The following DYM variants were observed in gnomAD, a reference collection of about 807,000 sequenced individuals.
The protein encoded by DYM is dyggve-Melchior-Clausen syndrome protein.
A neutral mutation model predicts 93.1 loss-of-function variants in DYM; 78 were observed. The ratio of observed to expected loss-of-function variants is 0.84; its 90% CI spans 0.70 to 1.01. DYM has a LOEUF of 1.01. Among genes scored for constraint, DYM ranks in the 50% least tolerant of loss-of-function variants. The pLI is 0.00. For missense variants in DYM, 789 were observed against 845.0 expected, an observed-to-expected ratio of 0.93 and a Z score of 0.82; for synonymous variants, 321 against 319.7, an observed-to-expected ratio of 1.00 and a Z score of -0.04.
chr18:49,329,130 T>C (rs1240884935), intron 8 of DYM, among the ~76,000 whole-genome samples: 2 of 152,130 alleles, frequency 1.3e-5, no homozygotes, highest in Non-Finnish European at 1.5e-5. Flanking sequence ...TCATGTCCTT[T>C]GCAGGGACAT....
intron 2 of DYM, among the ~76,000 whole-genome samples, chr18:49,406,406 C>G (rs372911033): frequency 6.6e-6 from 1 of 151,822 alleles, no homozygotes; most frequent in Non-Finnish European, 1.5e-5. Flanking sequence ...ACTAAAAATA[C>G]AAAAATTAGC....
At chr18:49,055,929 G>A (rs951763860) in intron 17 of DYM, among the ~76,000 whole-genome samples, 52 of 152,298 alleles carry the variant, frequency 3.4e-4, no homozygotes, top group African/African-American at 9.9e-4. Context: ...AGCAACCAGC[G>A]GCTGACTCTA....
intron 9 of DYM, 60 bp downstream of exon 9, chr18:49,286,374 A>G: frequency 6.4e-7 from 1 of 1,569,288 alleles, no homozygotes; most frequent in African/African-American, 1.3e-5. Flanking sequence ...ACAATAAACA[A>G]TATAGAACAA....
chr18:49,110,390 C>T (rs997982181), intron 16 of DYM, among the ~76,000 whole-genome samples: 22 of 152,112 alleles, frequency 1.4e-4, no homozygotes, highest in African/African-American at 5.3e-4. Flanking sequence ...CTTCCATTAA[C>T]TAGTCTATAG....
chr18:49,248,213 A>G (rs2094211313), intron 13 of DYM, among the ~76,000 whole-genome samples: 1 of 152,240 alleles, frequency 6.6e-6, no homozygotes, highest in South Asian at 2.1e-4. Context: ...ATCTATGTTC[A>G]GTGAGATCTT....
intron 2 of DYM, among the ~76,000 whole-genome samples, chr18:49,408,703 C>A (rs2071821084): frequency 6.6e-6 from 1 of 152,106 alleles, no homozygotes; most frequent in Non-Finnish European, 1.5e-5. Context: ...TACAGAGGAA[C>A]CCATAAAGGG....
At chr18:49,449,073 ACTTTCACTCTTACCTC>A (rs2082323755) in intron 1 of DYM, among the ~76,000 whole-genome samples, 1 of 151,884 alleles carries the variant, frequency 6.6e-6, no homozygotes, top group East Asian at 1.9e-4. Context: ...CCCACTCCCC[ACTTTCACTCTTACCTC>A]TACAGGAAAT....
chr18:49,149,114 A>G (rs1468758612), intron 15 of DYM, among the ~76,000 whole-genome samples: 3 of 152,196 alleles, frequency 2.0e-5, no homozygotes, highest in African/African-American at 4.8e-5. Flanking sequence ...TGTAACCTAG[A>G]TCCTTTGCGT....
intron 17 of DYM, among the ~76,000 whole-genome samples, chr18:49,053,059 T>C (rs886937071): frequency 6.6e-6 from 1 of 152,244 alleles, no homozygotes; most frequent in Non-Finnish European, 1.5e-5. Context: ...CTTACAGCAA[T>C]CCTGTTGTTT....
intron 10 of DYM, among the ~76,000 whole-genome samples, chr18:49,273,755 A>C (rs2094773760): frequency 6.6e-6 from 1 of 151,832 alleles, no homozygotes; most frequent in South Asian, 2.1e-4. Flanking sequence ...AAAATCACCT[A>C]ATAAAACATT....
chr18:49,165,274 T>A (rs2087724552), intron 14 of DYM, among the ~76,000 whole-genome samples: 1 of 152,140 alleles, frequency 6.6e-6, no homozygotes, highest in Admixed American at 6.6e-5. Flanking sequence ...CAGAGGTATG[T>A]ATTATAATTA....
At position 49,406,859 on chromosome 18, in the gene DYM, A is replaced by G. The variant is rs2071554997; in HGVS notation, c.141-15214T>C. Among the ~76,000 whole-genome samples the G allele has an allele frequency of 3.9e-5, 6 of 152,226 alleles. No individual in the cohort carries two copies. In the South Asian group the frequency reaches 1.0e-3, roughly 26 times the overall value. On this transcript the variant is annotated intron_variant, in intron 2 of 17. Coordinates refer to ENST00000675505, the MANE Select transcript of DYM (RefSeq NM_001353214.3). ...ACTCTTGAACATTTATCTCAAAGAA[A>G]TGAAAACTTATGTTCACTCAAAAAC...
chr18:49,075,709 A>G (rs1383674668), intron 17 of DYM, among the ~76,000 whole-genome samples: 2 of 152,196 alleles, frequency 1.3e-5, no homozygotes, highest in African/African-American at 2.4e-5. Context: ...AATTCAAAAC[A>G]TTTACTACTG....
chr18:49,127,889 A>AG (rs2082970542), intron 15 of DYM, among the ~76,000 whole-genome samples: 1 of 152,204 alleles, frequency 6.6e-6, no homozygotes, highest in South Asian at 2.1e-4. Context: ...AAGCAGTGGG[A>AG]GGGGGAGGCG....
chr18:49,184,741 A>C (rs878889828), intron 14 of DYM, among the ~76,000 whole-genome samples: 1 of 152,252 alleles, frequency 6.6e-6, no homozygotes, highest in Admixed American at 6.5e-5. Context: ...AGCACAGTGC[A>C]CAATTAAAAA....
intron 1 of DYM, among the ~76,000 whole-genome samples, chr18:49,454,517 C>T (rs1028011468): frequency 6.6e-6 from 1 of 151,866 alleles, no homozygotes; most frequent in Non-Finnish European, 1.5e-5. Flanking sequence ...TTGAGGCAAC[C>T]AGCCTTCCCC....
intron 16 of DYM, among the ~76,000 whole-genome samples, chr18:49,103,180 T>G (rs2080375898): frequency 6.6e-6 from 1 of 152,254 alleles, no homozygotes; most frequent in South Asian, 2.1e-4. Context: ...TGATGAGCAT[T>G]TTTTCATGTG....
At chr18:49,139,296 A>G (rs991495047) in intron 15 of DYM, among the ~76,000 whole-genome samples, 57 of 152,252 alleles carry the variant, frequency 3.7e-4, no homozygotes, top group African/African-American at 1.3e-3. Flanking sequence ...AATACTTTGA[A>G]CCATTTTTTC....
chr18:49,174,744 G>A (rs1375858541), intron 14 of DYM, among the ~76,000 whole-genome samples: 2 of 152,136 alleles, frequency 1.3e-5, no homozygotes, highest in Non-Finnish European at 2.9e-5. Context: ...AGATTGTAAA[G>A]ACGTAATCCC....
Sources: allele counts gnomAD v4.1 joint callset (sites outside exome capture counted in the v4.1 genomes callset), GRCh38; gene constraint gnomAD v4.1.1; transcripts MANE v1.5; gene names NCBI Gene and HGNC (gene_info 2026-07-23, HGNC 2026-07-21).